Variants in POFUT3 observed in about 807,000 individuals in gnomAD.
POFUT3 encodes the protein protein O-fucosyltransferase 3, also known as GDP-fucose protein O-fucosyltransferase 3.
the POFUT3 span, among the ~76,000 whole-genome samples, chr8:33,339,953 A>C: frequency 6.6e-6 from 1 of 152,204 alleles, no homozygotes; most frequent in East Asian, 1.9e-4. Context: ...AGAAAATTAT[A>C]AAGAATATGC....
At chr8:33,408,078 C>T in the POFUT3 span, among the ~76,000 whole-genome samples, 1 of 151,048 alleles carries the variant, frequency 6.6e-6, no homozygotes, top group Admixed American at 6.6e-5. Context: ...AATCCCAGTA[C>T]TTTGGGAGGC....
chr8:33,339,538 T>C, the POFUT3 span, among the ~76,000 whole-genome samples: 3 of 152,022 alleles, frequency 2.0e-5, no homozygotes, highest in Non-Finnish European at 4.4e-5. Flanking sequence ...GGATGAAAAC[T>C]TTCCAAAATT....
the POFUT3 span, among the ~76,000 whole-genome samples, chr8:33,397,129 A>C: frequency 1.3e-5 from 2 of 152,232 alleles, no homozygotes; most frequent in African/African-American, 4.8e-5. Context: ...CACAAAACTC[A>C]AACAACTTCT....
chr8:33,446,937 A>G, the POFUT3 span, among the ~76,000 whole-genome samples: 5 of 152,112 alleles, frequency 3.3e-5, no homozygotes, highest in East Asian at 9.6e-4. Context: ...CTTTTTAATT[A>G]CACGTGATCA....
chr8:33,466,472 G>C, the POFUT3 span, among the ~76,000 whole-genome samples: 2 of 151,524 alleles, frequency 1.3e-5, no homozygotes, highest in Non-Finnish European at 2.9e-5. Flanking sequence ...AAGGAGAAGG[G>C]AAGGGAAAAT....
At chr8:33,324,489 A>T in the POFUT3 span, among the ~76,000 whole-genome samples, 44 of 152,252 alleles carry the variant, frequency 2.9e-4, no homozygotes, top group Non-Finnish European at 4.9e-4. Flanking sequence ...GAGACTCCAA[A>T]ACCCTACTCT....
chr8:33,394,345 A>T, the POFUT3 span: 1 of 157,522 alleles, frequency 6.3e-6, no homozygotes, highest in African/African-American at 2.4e-5. Context: ...CCATCCATCC[A>T]CTCAGGACCC....
At chr8:33,403,956 C>G in the POFUT3 span, among the ~76,000 whole-genome samples, 625 of 152,206 alleles carry the variant, frequency 4.1e-3, 3 homozygotes, top group Non-Finnish European at 6.2e-3. Context: ...TATCCCTGTC[C>G]TGCAAAGCTG....
the POFUT3 span, among the ~76,000 whole-genome samples, chr8:33,321,372 G>A: frequency 1.3e-5 from 2 of 151,990 alleles, no homozygotes; most frequent in African/African-American, 2.4e-5. Flanking sequence ...TTCCAAAATG[G>A]CTTTTTCACT....
At chr8:33,328,819 C>T in the POFUT3 span, among the ~76,000 whole-genome samples, 1 of 152,062 alleles carries the variant, frequency 6.6e-6, no homozygotes, top group Non-Finnish European at 1.5e-5. Context: ...AAAGGAGCAC[C>T]CAGTGAATGG....
the POFUT3 span, chr8:33,360,996 G>C: frequency 6.6e-6 from 1 of 152,200 alleles, no homozygotes; most frequent in South Asian, 2.1e-4. Flanking sequence ...ACTTCAAGAT[G>C]CTTGTCTTAG....
chr8:33,394,650 G>A, the POFUT3 span, among the ~76,000 whole-genome samples: 15 of 150,636 alleles, frequency 1.0e-4, no homozygotes, highest in African/African-American at 3.4e-4. Context: ...TGATATACAT[G>A]AAAGGTTTTG....
chr8:33,418,665 T>C, the POFUT3 span, among the ~76,000 whole-genome samples: 10,044 of 152,088 alleles, frequency 0.066, 1,030 homozygotes, highest in African/African-American at 0.22. Context: ...AAAAACAATA[T>C]GGAGATTTCT....
At chr8:33,416,933 G>A in the POFUT3 span, among the ~76,000 whole-genome samples, 4 of 152,152 alleles carry the variant, frequency 2.6e-5, no homozygotes, top group African/African-American at 9.7e-5. Context: ...ACTCTACTTG[G>A]GAAACAGTTA....
chr8:33,449,770 T>C, the POFUT3 span, among the ~76,000 whole-genome samples: 1 of 151,978 alleles, frequency 6.6e-6, no homozygotes, highest in Non-Finnish European at 1.5e-5. Flanking sequence ...CTCTGCTTGA[T>C]GTACCTCAGA....
chr8:33,410,701 G>A, the POFUT3 span, among the ~76,000 whole-genome samples: 1 of 152,128 alleles, frequency 6.6e-6, no homozygotes, highest in Non-Finnish European at 1.5e-5. Flanking sequence ...GCATTGCACC[G>A]ATAGAGCCAA....
chr8:33,467,292 A>AAG, the POFUT3 span, among the ~76,000 whole-genome samples: 4 of 151,662 alleles, frequency 2.6e-5, no homozygotes, highest in Non-Finnish European at 5.9e-5. Context: ...AAAAAAAAAA[A>AAG]AAAGACTAGT....
chr8:33,378,889 C>G, the POFUT3 span, among the ~76,000 whole-genome samples: 1 of 152,204 alleles, frequency 6.6e-6, no homozygotes, highest in South Asian at 2.1e-4. Context: ...TAACCTGACT[C>G]TACCTCCCTA....
the POFUT3 span, among the ~76,000 whole-genome samples, chr8:33,446,019 T>TCC: frequency 6.6e-6 from 1 of 152,094 alleles, no homozygotes; most frequent in African/African-American, 2.4e-5. Flanking sequence ...GCCTTCATTC[T>TCC]CCTTCCTGTC....
Sources: gnomAD v4.1 joint callset for allele counts (sites outside exome capture counted in the v4.1 genomes callset) on GRCh38, gnomAD v4.1.1 for gene constraint, MANE v1.5 for transcripts, NCBI Gene and HGNC (gene_info 2026-07-23, HGNC 2026-07-21) for gene names.